COL28A1: variants seen among roughly 807,000 people sequenced by gnomAD.
COL28A1 encodes the protein collagen type XXVIII alpha 1 chain.
In COL28A1, 161 loss-of-function variants were observed where a neutral mutation model predicts 150.2. The observed-to-expected ratio is 1.07, with a 90% CI of 0.94 to 1.22. The LOEUF (loss-of-function observed/expected upper bound fraction) is 1.22, where lower values mean the gene tolerates loss of function less well. Ranked by LOEUF, COL28A1 falls within the 50% of genes most tolerant of loss-of-function variation. The probability of loss-of-function intolerance (pLI) is 0.00; values close to 1 mark genes in which losing one functional copy is unlikely to be tolerated. For synonymous variants in COL28A1, 552 were observed against 469.7 expected (o/e 1.18, Z -2.26); for missense variants, 1,617 against 1,388.3 (o/e 1.16, Z -2.62).
chr7:7,472,838 G>A (rs1788547695), intron 15 of COL28A1, among the ~76,000 whole-genome samples: 2 of 152,174 alleles, frequency 1.3e-5, no homozygotes, highest in South Asian at 4.1e-4. Context: ...TAGACCAGTG[G>A]AACAGAATAA....
chr7:7,373,517 G>C lies in COL28A1; in HGVS notation c.2389C>G (p.Leu797Val). 1 of 1,612,806 alleles carries C rather than the reference G, an allele frequency of 6.2e-7. No homozygotes were observed. Among genetic ancestry groups the C allele is most frequent in the Non-Finnish European group, 8.5e-7 (1 of 1,179,376 alleles). Residue 797 changes from leucine (L) to valine (V), a missense_variant, in exon 32 of 35, where the codon CTA becomes GTA. Physicochemically the swap from Leu to Val is conservative, Grantham distance 32 (BLOSUM62 1). Transcript: ENST00000399429. This position sits in a 1 kb window ranked among gnomAD's most constrained non-coding sequence, Gnocchi z 4.1. Reference sequence around the variant, plus strand: ...CTGTCGATCACAAACACCAGCTCTAGTGGAGTCTCTTTGCATTTGGGCCCA... The same window carrying C: ...CTGTCGATCACAAACACCAGCTCTACTGGAGTCTCTTTGCATTTGGGCCCA... Reference protein sequence around the residue: ...GCGPKCKETPLELVFVIDSSE... With the variant: ...GCGPKCKETPVELVFVIDSSE...
chr7:7,393,569 C>T (rs988206364), intron 27 of COL28A1, among the ~76,000 whole-genome samples: 2 of 152,048 alleles, frequency 1.3e-5, no homozygotes, highest in African/African-American at 4.8e-5. Context: ...CCCCTTCCCC[C>T]AGGTGCTCTG....
intron 25 of COL28A1, among the ~76,000 whole-genome samples, chr7:7,425,938 C>T (rs1583342061): frequency 6.6e-6 from 1 of 152,064 alleles, no homozygotes; most frequent in Admixed American, 6.5e-5. Flanking sequence ...ATAATCAGCC[C>T]ATTAGATTAT....
At chr7:7,477,308 G>A (rs1052523073) in intron 13 of COL28A1, 128 bp from the exon 14 acceptor site, 1 of 658,948 alleles carries the variant, frequency 1.5e-6, no homozygotes, top group East Asian at 2.7e-5. Context: ...AAAATGGATA[G>A]TTGGATCTGT....
chr7:7,376,708 A>AT (rs1294572251), intron 30 of COL28A1, among the ~76,000 whole-genome samples: 10 of 95,696 alleles, frequency 1.0e-4, no homozygotes, highest in African/African-American at 4.2e-4. Flanking sequence ...TTTATGTTTA[A>AT]TTTTTTATAA....
intron 25 of COL28A1, among the ~76,000 whole-genome samples, chr7:7,426,843 T>C (rs59408763): frequency 0.02 from 3,065 of 152,340 alleles, 93 homozygotes; most frequent in African/African-American, 0.07. Context: ...CAAGAGTCTT[T>C]CTTATTTAGC....
chr7:7,381,635 A>G, intron 27 of COL28A1, 23 bp from the exon 28 acceptor site: 1 of 1,585,374 alleles, frequency 6.3e-7, no homozygotes, highest in East Asian at 2.2e-5. Context: ...TGAGAAAGAG[A>G]TGTTCTATTA....
intron 13 of COL28A1, among the ~76,000 whole-genome samples, chr7:7,480,143 C>T (rs1054688285): frequency 6.6e-5 from 10 of 152,108 alleles, no homozygotes; most frequent in Admixed American, 2.6e-4. Flanking sequence ...AGTAGCAGAA[C>T]GAGGATGCAG....
chr7:7,344,796 G>GC, the COL28A1 span, among the ~76,000 whole-genome samples: 1 of 152,084 alleles, frequency 6.6e-6, no homozygotes, highest in Non-Finnish European at 1.5e-5. Flanking sequence ...ACAAGGCTAA[G>GC]AAACCCTGCA....
At chr7:7,429,406 C>CCTCTCTCT (rs4035101) in intron 25 of COL28A1, among the ~76,000 whole-genome samples, 4 of 134,414 alleles carry the variant, frequency 3.0e-5, no homozygotes, top group African/African-American at 1.3e-4. Flanking sequence ...TATGAATCTC[C>CCTCTCTCT]CTCTCTCTCT....
the COL28A1 span, among the ~76,000 whole-genome samples, chr7:7,340,435 C>T: frequency 6.6e-6 from 1 of 152,014 alleles, no homozygotes; most frequent in Non-Finnish European, 1.5e-5. Flanking sequence ...TTATTGATGT[C>T]TAAACTTTCC....
chr7:7,433,358 G>A (rs549056263), intron 23 of COL28A1, among the ~76,000 whole-genome samples: 3 of 152,078 alleles, frequency 2.0e-5, no homozygotes, highest in African/African-American at 7.2e-5. Context: ...ACAAGTGGCC[G>A]GGTGCGGTGG....
intron 34 of COL28A1, among the ~76,000 whole-genome samples, chr7:7,359,305 T>C (rs375319277): frequency 6.9e-6 from 1 of 145,602 alleles, no homozygotes; most frequent in African/African-American, 2.5e-5. Flanking sequence ...AAAAAAAAAG[T>C]AAAATGAAGG....
intron 33 of COL28A1, among the ~76,000 whole-genome samples, chr7:7,364,868 T>C (rs1562468838): frequency 6.6e-6 from 1 of 152,184 alleles, no homozygotes; most frequent in Non-Finnish European, 1.5e-5. Flanking sequence ...AGGCAAAAAG[T>C]ATCCATTAAA....
At chr7:7,439,218 G>A (rs1009588028) in intron 21 of COL28A1, among the ~76,000 whole-genome samples, 6 of 152,092 alleles carry the variant, frequency 3.9e-5, no homozygotes, top group African/African-American at 1.2e-4. Flanking sequence ...GAAGCCTCCC[G>A]CTGTATTGAT....
At chr7:7,340,709 A>T in the COL28A1 span, among the ~76,000 whole-genome samples, 14 of 151,736 alleles carry the variant, frequency 9.2e-5, no homozygotes, top group Non-Finnish European at 1.8e-4. Context: ...TTATACTTAT[A>T]CCTGCATTAC....
Position 7,456,050 on chromosome 7 carries a change from C to T in COL28A1, c.1365G>A (p.Gly455=). 1 of 1,613,812 alleles carries T rather than the reference C, an allele frequency of 6.2e-7. No individual in the cohort carries two copies. ...PMGIPGIGSQ[G]EQGIQGPIGP... ...GGAAGAATGCATTAATTACCTGTTC[C>T]CCTTGACTCCCGATTCCAGGGATAC... Residue 455 remains glycine, a synonymous_variant, in exon 16 of 35, where the codon GGG becomes GGA. Transcript: ENST00000399429.
chr7:7,410,988 A>C (rs991105037), intron 27 of COL28A1, among the ~76,000 whole-genome samples: 2 of 152,188 alleles, frequency 1.3e-5, no homozygotes, highest in African/African-American at 4.8e-5. Context: ...TAAAAGGTTC[A>C]TTCTAACCAC....
At chr7:7,496,114 G>GT (rs1444554175) in intron 11 of COL28A1, among the ~76,000 whole-genome samples, 2 of 152,110 alleles carry the variant, frequency 1.3e-5, no homozygotes, top group Non-Finnish European at 2.9e-5. Flanking sequence ...TTCAAGAAGG[G>GT]TTTTTCTGAT....
Sources: allele counts gnomAD v4.1 joint callset (sites outside exome capture counted in the v4.1 genomes callset), GRCh38; gene constraint gnomAD v4.1.1; non-coding constraint Gnocchi (gnomAD v3.1); transcripts MANE v1.5; gene names NCBI Gene and HGNC (gene_info 2026-07-23, HGNC 2026-07-21).